PID1: variants seen among roughly 807,000 people sequenced by gnomAD.
PID1 encodes the protein phosphotyrosine interaction domain containing 1, also known as PTB-containing, cubilin and LRP1-interacting protein.
In PID1, 10 loss-of-function variants were observed where a neutral mutation model predicts 19.1. The ratio of observed to expected loss-of-function variants is 0.52; its 90% CI spans 0.32 to 0.89. The LOEUF is 0.89. PID1 is among the 40% of genes least tolerant of loss of function. The probability of loss-of-function intolerance (pLI) is 0.03; values close to 1 mark genes in which losing one functional copy is unlikely to be tolerated. For synonymous variants in PID1, 130 were observed against 116.0 expected (o/e 1.12, Z -0.78); for missense variants, 248 against 285.3 (o/e 0.87, Z 0.94).
intron 1 of PID1, among the ~76,000 whole-genome samples, chr2:229,218,752 G>A (rs971667727): frequency 7.2e-5 from 11 of 152,108 alleles, no homozygotes; most frequent in Non-Finnish European, 1.5e-5. Context: ...AAAGACACAG[G>A]CCAGACTGCA....
intron 2 of PID1, among the ~76,000 whole-genome samples, chr2:229,139,031 GAAAGAAA>G (rs1689927879): frequency 4.4e-5 from 3 of 68,698 alleles, no homozygotes; most frequent in South Asian, 9.6e-4. Flanking sequence ...AAGAAAGAAA[GAAAGAAA>G]GAGAAAGAAA....
rs185035410 is a variant in PID1 at position 229,141,133 on chromosome 2, A to G, written c.177+14685T>C. Among the ~76,000 whole-genome samples the G allele has an allele frequency of 2.0e-3, 298 of 152,220 alleles. 1 individual carries two copies. Among genetic ancestry groups the G allele is most frequent in the Admixed American group, 0.016 (248 of 15,268 alleles). Reference sequence around the variant, plus strand: ...ACCCTTGCTATGAAGCGGAAATAAAATTAGGGTTCTGTTGGCATAGTAACT... The same window carrying G: ...ACCCTTGCTATGAAGCGGAAATAAAGTTAGGGTTCTGTTGGCATAGTAACT... On this transcript the variant is annotated intron_variant, in intron 2 of 2. Coordinates refer to ENST00000392055, the MANE Select transcript of PID1 (RefSeq NM_001100818.2).
intron 2 of PID1, among the ~76,000 whole-genome samples, chr2:229,063,654 TTATTAA>T (rs1694259867): frequency 6.6e-6 from 1 of 152,108 alleles, no homozygotes; most frequent in South Asian, 2.1e-4. Flanking sequence ...ATCTATAATG[TTATTAA>T]AATCCACTGT....
At chr2:229,163,549 G>A (rs540662658) in intron 1 of PID1, among the ~76,000 whole-genome samples, 1 of 151,844 alleles carries the variant, frequency 6.6e-6, no homozygotes, top group East Asian at 1.9e-4. Flanking sequence ...ATGTGGGAGA[G>A]GAACCAAAAT....
intron 2 of PID1, among the ~76,000 whole-genome samples, chr2:229,054,722 G>T (rs866406468): frequency 0.021 from 1,203 of 57,134 alleles, 31 homozygotes; most frequent in African/African-American, 0.044. Flanking sequence ...GTGTGTGTGG[G>T]GGGGGGGGGG....
At chr2:229,179,134 T>G (rs1392623139) in intron 1 of PID1, among the ~76,000 whole-genome samples, 3 of 152,152 alleles carry the variant, frequency 2.0e-5, no homozygotes. Context: ...TTACCCCTCA[T>G]GATCTCAATT....
At chr2:229,060,517 CTGA>C (rs1694189613) in intron 2 of PID1, among the ~76,000 whole-genome samples, 1 of 152,122 alleles carries the variant, frequency 6.6e-6, no homozygotes, top group Non-Finnish European at 1.5e-5. Context: ...ATCCATTCAT[CTGA>C]TGATGGACAT....
intron 2 of PID1, among the ~76,000 whole-genome samples, chr2:229,029,390 C>A (rs1693497329): frequency 6.7e-6 from 1 of 149,832 alleles, no homozygotes; most frequent in South Asian, 2.1e-4. Context: ...AGTTAAATAC[C>A]ACTTCGCACC....
At chr2:229,218,290 G>T (rs2106255941) in intron 1 of PID1, among the ~76,000 whole-genome samples, 1 of 24,160 alleles carries the variant, frequency 4.1e-5, no homozygotes, top group South Asian at 3.1e-3. Context: ...TTTGTTTCCT[G>T]AGCAAAAAAA....
Position 229,225,381 on chromosome 2 carries a change from G to A in PID1, c.30+45633C>T, listed in dbSNP as rs1692056137. 2.0e-5 allele frequency among the ~76,000 whole-genome samples: 3 copies of A among 152,244 alleles called. No individual in the cohort carries two copies. In the South Asian group the frequency reaches 6.2e-4, roughly 32 times the overall value. On this transcript the variant is annotated intron_variant, in intron 1 of 2. Coordinates refer to ENST00000392055, the MANE Select transcript of PID1 (RefSeq NM_001100818.2). Reference sequence around the variant, plus strand: ...GGTCATTCTCCATCCTCTATGGATTGGATCCTTCACTTGCTCTCAGGCTTC... The same window carrying A: ...GGTCATTCTCCATCCTCTATGGATTAGATCCTTCACTTGCTCTCAGGCTTC...
At chr2:229,042,481 A>G (rs1405944841) in intron 2 of PID1, among the ~76,000 whole-genome samples, 4 of 152,168 alleles carry the variant, frequency 2.6e-5, no homozygotes, top group Admixed American at 6.5e-5. Context: ...TGTGATCAAA[A>G]TCCACCCTCT....
In PID1 at chr2:229,068,662, T is replaced by G. The variant is rs946875828; in HGVS notation, c.178-42554A>C. On this transcript the variant is annotated intron_variant, in intron 2 of 2. Coordinates refer to ENST00000392055, the MANE Select transcript of PID1 (RefSeq NM_001100818.2). Reference sequence around the variant, plus strand: ...GAAAAGCGAGTTTGGGACTGAAGGCTGGGCTAGTCCACATGTTGTCAGCAT... The same window carrying G: ...GAAAAGCGAGTTTGGGACTGAAGGCGGGGCTAGTCCACATGTTGTCAGCAT... Among the ~76,000 whole-genome samples the G allele has an allele frequency of 1.3e-5, 2 of 152,180 alleles. 1 individual carries two copies. The highest frequency in any genetic ancestry group is 4.8e-5 in the African/African-American group (2 of 41,442).
chr2:229,094,363 A>G (rs997706468), intron 2 of PID1, among the ~76,000 whole-genome samples: 1 of 152,286 alleles, frequency 6.6e-6, no homozygotes, highest in Admixed American at 6.5e-5. Flanking sequence ...AAATGACTAT[A>G]ATATCCAAGG....
chr2:229,076,923 G>A (rs1024885967), intron 2 of PID1, among the ~76,000 whole-genome samples: 2 of 152,210 alleles, frequency 1.3e-5, no homozygotes, highest in African/African-American at 4.8e-5. Context: ...TAATGGGATT[G>A]CTGGGTCAAA....
At position 229,166,527 on chromosome 2, in the gene PID1, C is replaced by T. The variant is rs187120576; in HGVS notation, c.31-10563G>A. Among the ~76,000 whole-genome samples the T allele has an allele frequency of 6.6e-5, 10 of 152,248 alleles. No individual in the cohort carries two copies. In the East Asian group the frequency reaches 1.9e-3, roughly 29 times the overall value. On this transcript the variant is annotated intron_variant, in intron 1 of 2. Coordinates refer to ENST00000392055, the MANE Select transcript of PID1 (RefSeq NM_001100818.2). ...AATGGCTTCATCTGATTGCTCAATG[C>T]TAGAGGGAAAATTTGCTGAGTGGAA...
chr2:229,247,934 C>T (rs1248525168), intron 1 of PID1, among the ~76,000 whole-genome samples: 1 of 152,126 alleles, frequency 6.6e-6, no homozygotes, highest in Non-Finnish European at 1.5e-5. Flanking sequence ...TTCACTTTCT[C>T]CCACCTCCTT....
chr2:229,063,834 T>A (rs1038538280), intron 2 of PID1, among the ~76,000 whole-genome samples: 7 of 152,162 alleles, frequency 4.6e-5, no homozygotes, highest in African/African-American at 1.4e-4. Context: ...ATATTTACAA[T>A]TGTTATATAT....
chr2:229,159,926 C>T (rs1352605666), intron 1 of PID1, among the ~76,000 whole-genome samples: 2 of 152,034 alleles, frequency 1.3e-5, no homozygotes, highest in Non-Finnish European at 2.9e-5. Context: ...GAAGGAGCCA[C>T]ATAGGTCACT....
chr2:229,118,374 T>G (rs1159984394), intron 2 of PID1, among the ~76,000 whole-genome samples: 1 of 152,180 alleles, frequency 6.6e-6, no homozygotes, highest in Non-Finnish European at 1.5e-5. Flanking sequence ...AAAGGATTCT[T>G]CATTTCTGCT....
Sources: gnomAD v4.1 joint callset for allele counts (sites outside exome capture counted in the v4.1 genomes callset) on GRCh38, gnomAD v4.1.1 for gene constraint, MANE v1.5 for transcripts, NCBI Gene and HGNC (gene_info 2026-07-23, HGNC 2026-07-21) for gene names.